The following TTC28 variants were observed in gnomAD, a reference collection of about 807,000 sequenced individuals.
TTC28 encodes tetratricopeptide repeat domain 28, also known as tetratricopeptide repeat protein 28.
In TTC28, 61 loss-of-function variants were observed where a neutral mutation model predicts 198.0. That is an observed-to-expected ratio of 0.31 (90% CI 0.25 to 0.38). The LOEUF is 0.38. TTC28 is among the 10% of genes least tolerant of loss of function. TTC28 has a pLI of 1.00. For synonymous variants in TTC28, 1,171 were observed against 1,297.8 expected (o/e 0.90, Z 2.10); for missense variants, 2,678 against 3,164.0 (o/e 0.85, Z 3.69).
chr22:28,320,395 T>A (rs1008440495), intron 2 of TTC28, among the ~76,000 whole-genome samples: 1 of 152,114 alleles, frequency 6.6e-6, no homozygotes, highest in African/African-American at 2.4e-5. Flanking sequence ...ATGTTTTAAG[T>A]TTAGAAGAGA....
At chr22:28,162,141 A>C (rs546024581) in intron 6 of TTC28, among the ~76,000 whole-genome samples, 1 of 152,264 alleles carries the variant, frequency 6.6e-6, no homozygotes, top group East Asian at 1.9e-4. Context: ...GGGATAAGAT[A>C]ATATCTTCTA....
intron 2 of TTC28, among the ~76,000 whole-genome samples, chr22:28,471,283 T>C (rs572401732): frequency 4.6e-5 from 7 of 152,284 alleles, no homozygotes; most frequent in Admixed American, 2.6e-4. Flanking sequence ...ACCTCAATCT[T>C]CAATTCACAT....
chr22:28,106,353 T>G (rs1414039519), intron 7 of TTC28, among the ~76,000 whole-genome samples: 1 of 152,168 alleles, frequency 6.6e-6, no homozygotes, highest in Non-Finnish European at 1.5e-5. Flanking sequence ...TGACCAACAG[T>G]GTGTCTTTTT....
At chr22:28,398,279 A>AAGAGGGGGCC (rs1198259869) in intron 2 of TTC28, among the ~76,000 whole-genome samples, 2 of 152,094 alleles carry the variant, frequency 1.3e-5, no homozygotes, top group Non-Finnish European at 2.9e-5. Flanking sequence ...AGGAGACACA[A>AAGAGGGGGCC]AGAGGGGGCC....
intron 7 of TTC28, among the ~76,000 whole-genome samples, chr22:28,106,391 G>A (rs1455428333): frequency 1.3e-5 from 2 of 152,142 alleles, no homozygotes; most frequent in Admixed American, 6.5e-5. Context: ...CACGATAAGC[G>A]TGGAAAGAGT....
intron 2 of TTC28, among the ~76,000 whole-genome samples, chr22:28,314,157 G>A (rs912809754): frequency 5.9e-5 from 9 of 152,164 alleles, no homozygotes; most frequent in African/African-American, 2.2e-4. Flanking sequence ...ACTTACAAGG[G>A]ATGTGACAGA....
intron 5 of TTC28, among the ~76,000 whole-genome samples, chr22:28,285,207 T>C (rs1322933199): frequency 6.6e-6 from 1 of 152,236 alleles, no homozygotes; most frequent in Non-Finnish European, 1.5e-5. Context: ...GAAATATTAT[T>C]CAGCCATAAA....
chr22:28,056,503 TTTCCA>T (rs1365211226), intron 12 of TTC28: 2 of 152,256 alleles, frequency 1.3e-5, no homozygotes, highest in Non-Finnish European at 2.9e-5. Flanking sequence ...GTTTACCCTC[TTTCCA>T]TTCATCAACT....
chr22:28,263,698 T>C (rs1286851652), intron 5 of TTC28, among the ~76,000 whole-genome samples: 1 of 152,162 alleles, frequency 6.6e-6, no homozygotes, highest in African/African-American at 2.4e-5. Flanking sequence ...TTAGAGTCTG[T>C]ATGGCAAGGG....
intron 12 of TTC28, among the ~76,000 whole-genome samples, chr22:28,035,370 C>T (rs1183393347): frequency 2.0e-5 from 3 of 152,212 alleles, no homozygotes; most frequent in African/African-American, 2.4e-5. Flanking sequence ...GGCAGCAAAA[C>T]GCTCCTTCTT....
At chr22:28,238,838 A>T (rs1929444255) in intron 5 of TTC28, among the ~76,000 whole-genome samples, 1 of 152,172 alleles carries the variant, frequency 6.6e-6, no homozygotes, top group Non-Finnish European at 1.5e-5. Context: ...AAGAGGACTC[A>T]CATATAGATT....
chr22:28,412,708 T>C (rs2047101281), intron 2 of TTC28, among the ~76,000 whole-genome samples: 1 of 152,226 alleles, frequency 6.6e-6, no homozygotes. Context: ...TGTTCTTACG[T>C]TCATTTCACA....
At chr22:27,995,997 T>C (rs1224008499) in intron 17 of TTC28, 138 bp downstream of exon 17, 3 of 1,317,786 alleles carry the variant, frequency 2.3e-6, no homozygotes, top group Admixed American at 2.7e-5. Flanking sequence ...TGGAAGCCGG[T>C]CAGTGCCATC....
chr22:28,602,301 A>G (rs1469311258), intron 2 of TTC28, among the ~76,000 whole-genome samples: 2 of 152,190 alleles, frequency 1.3e-5, no homozygotes, highest in African/African-American at 4.8e-5. Flanking sequence ...GACTCCTAAT[A>G]TACTTCTTGC....
At chr22:28,679,517 GCCTT>G in intron 1 of TTC28, 101 bp downstream of exon 1, 1 of 726,876 alleles carries the variant, frequency 1.4e-6, no homozygotes, top group South Asian at 2.2e-5. Context: ...ACTGCGAGAC[GCCTT>G]CCGCCTCGCA....
chr22:28,136,435 T>C (rs1478485414), intron 6 of TTC28, among the ~76,000 whole-genome samples: 2 of 152,162 alleles, frequency 1.3e-5, no homozygotes, highest in African/African-American at 2.4e-5. Flanking sequence ...ATGTAAGCCA[T>C]AGCACCCAGC....
At chr22:28,574,104 C>T (rs2050106163) in intron 2 of TTC28, among the ~76,000 whole-genome samples, 1 of 152,166 alleles carries the variant, frequency 6.6e-6, no homozygotes, top group South Asian at 2.1e-4. Flanking sequence ...CCTCAACCTC[C>T]CCAGGCTCAG....
intron 5 of TTC28, among the ~76,000 whole-genome samples, chr22:28,276,283 G>C (rs1372658699): frequency 6.6e-6 from 1 of 152,120 alleles, no homozygotes; most frequent in Non-Finnish European, 1.5e-5. Context: ...AAAGTGCTGG[G>C]ATTACAGGTG....
chr22:28,206,923 G>A (rs945845910), intron 5 of TTC28, among the ~76,000 whole-genome samples: 1 of 152,132 alleles, frequency 6.6e-6, no homozygotes, highest in Non-Finnish European at 1.5e-5. Context: ...GGAATCGGGT[G>A]GGGGTAGGAG....
Sources: allele counts gnomAD v4.1 joint callset (sites outside exome capture counted in the v4.1 genomes callset), GRCh38; gene constraint gnomAD v4.1.1; transcripts MANE v1.5; gene names NCBI Gene and HGNC (gene_info 2026-07-23, HGNC 2026-07-21).